DOK6: variants seen among roughly 807,000 people sequenced by gnomAD.
DOK6 encodes downstream of tyrosine kinase 6.
DOK6 carries 22 observed loss-of-function variants against 44.0 expected under a neutral mutation model. That is an observed-to-expected ratio of 0.50 (90% CI 0.36 to 0.71). The LOEUF is 0.71. DOK6 is among the 30% of genes least tolerant of loss of function. The pLI is 0.00. For synonymous variants in DOK6, 166 were observed against 145.5 expected, an observed-to-expected ratio of 1.14 and a Z score of -1.01; for missense variants, 340 against 416.4, an observed-to-expected ratio of 0.82 and a Z score of 1.60.
At chr18:69,774,093 GAT>G (rs1391058977) in intron 7 of DOK6, among the ~76,000 whole-genome samples, 2 of 108,764 alleles carry the variant, frequency 1.8e-5, no homozygotes, top group South Asian at 3.1e-4. Flanking sequence ...GATTTATATA[GAT>G]ATATATATGA....
rs879769142 is a variant in DOK6 at position 69,848,889 on chromosome 18, C to A, written c.*7506C>A. Reference sequence around the variant, plus strand: ...ACAACTAAATTGATGGTTTTACCCACAAGTTATTTCATAAAGCTAACACTG... The same window carrying A: ...ACAACTAAATTGATGGTTTTACCCAAAAGTTATTTCATAAAGCTAACACTG... On this transcript the variant is annotated 3_prime_UTR_variant, in exon 8 of 8. Transcript: ENST00000382713. The A allele has an allele frequency of 6.6e-6, 1 of 152,166 alleles. No homozygotes were observed. The highest frequency in any genetic ancestry group is 2.4e-5 in the African/African-American group (1 of 41,450). 9.4% of individuals were successfully genotyped at this position (152,166 alleles called of 1,614,324 possible).
intron 1 of DOK6, among the ~76,000 whole-genome samples, chr18:69,500,192 A>G (rs1182117404): frequency 2.6e-5 from 4 of 152,074 alleles, no homozygotes; most frequent in East Asian, 1.9e-4. Flanking sequence ...TTTTCCACCA[A>G]CATACATACT....
At chr18:69,603,149 G>A (rs1983912832) in intron 3 of DOK6, among the ~76,000 whole-genome samples, 1 of 152,056 alleles carries the variant, frequency 6.6e-6, no homozygotes, top group Non-Finnish European at 1.5e-5. Flanking sequence ...CTCCCTTCAG[G>A]GTCATTTTAG....
intron 1 of DOK6, among the ~76,000 whole-genome samples, chr18:69,500,683 A>T (rs1330388875): frequency 6.6e-6 from 1 of 152,192 alleles, no homozygotes; most frequent in Non-Finnish European, 1.5e-5. Flanking sequence ...CAATATAAGT[A>T]ACAACTAGTG....
At chr18:69,624,748 TC>T (rs1984518271) in intron 3 of DOK6, among the ~76,000 whole-genome samples, 1 of 152,146 alleles carries the variant, frequency 6.6e-6, no homozygotes, top group Non-Finnish European at 1.5e-5. Flanking sequence ...TTATAATGAA[TC>T]CTGGCTTTGC....
chr18:69,787,282 G>A (rs1329195754), intron 7 of DOK6, among the ~76,000 whole-genome samples: 1 of 152,084 alleles, frequency 6.6e-6, no homozygotes, highest in Non-Finnish European at 1.5e-5. Context: ...TTTATAACTA[G>A]CATCAAGATC....
intron 4 of DOK6, among the ~76,000 whole-genome samples, chr18:69,694,814 G>T (rs1405062620): frequency 6.6e-6 from 1 of 152,120 alleles, no homozygotes; most frequent in Non-Finnish European, 1.5e-5. Context: ...TTGGGAATGG[G>T]TTTAGTTTTC....
At chr18:69,639,800 T>C (rs1041902219) in intron 3 of DOK6, among the ~76,000 whole-genome samples, 2 of 152,184 alleles carry the variant, frequency 1.3e-5, no homozygotes, top group Admixed American at 6.5e-5. Flanking sequence ...AGACATAGCA[T>C]TACTAATTGG....
chr18:69,518,520 T>C (rs1981595293), intron 1 of DOK6, among the ~76,000 whole-genome samples: 1 of 152,316 alleles, frequency 6.6e-6, no homozygotes, highest in Admixed American at 6.5e-5. Context: ...TATTATTTAA[T>C]AACCAAAAAT....
intron 3 of DOK6, among the ~76,000 whole-genome samples, chr18:69,614,521 G>A (rs1187565779): frequency 2.0e-5 from 3 of 148,030 alleles, no homozygotes; most frequent in East Asian, 2.0e-4. Context: ...GTCACTTCAC[G>A]TAATTATCAC....
At chr18:69,525,231 C>T (rs961280661) in intron 1 of DOK6, among the ~76,000 whole-genome samples, 4 of 151,684 alleles carry the variant, frequency 2.6e-5, no homozygotes, top group Non-Finnish European at 5.9e-5. Context: ...AAAATGCAAC[C>T]TTGATTGTTA....
intron 3 of DOK6, among the ~76,000 whole-genome samples, chr18:69,637,748 A>G (rs1984842099): frequency 6.6e-6 from 1 of 151,776 alleles, no homozygotes; most frequent in African/African-American, 2.4e-5. Flanking sequence ...TTTTTTTTAA[A>G]CCAGCAAAGG....
rs55654660 is a variant in DOK6, at chr18:69,603,770, C to CAA, written c.289+4297_289+4298dup. On this transcript the variant is annotated intron_variant, in intron 3 of 7. Coordinates refer to ENST00000382713, the MANE Select transcript of DOK6 (RefSeq NM_152721.6). Reference sequence around the variant, plus strand: ...TGGGCGACAGAGCGAGACTCCGTCTCAAAAAAAAAAAAAAAAAAAAAAAAA... The same window carrying CAA: ...TGGGCGACAGAGCGAGACTCCGTCTCAAAAAAAAAAAAAAAAAAAAAAAAAAA... Among the ~76,000 whole-genome samples the CAA allele has an allele frequency of 5.9e-3, 436 of 74,352 alleles. 11 individuals are homozygous for CAA. The highest frequency in any genetic ancestry group is 7.6e-3 in the Non-Finnish European group (315 of 41,576). The allele number at this position is 74,352 out of a possible 152,430, so 48.8% of individuals were successfully genotyped here.
chr18:69,818,790 G>T (rs1288414577), intron 7 of DOK6, among the ~76,000 whole-genome samples: 1 of 152,174 alleles, frequency 6.6e-6, no homozygotes. Flanking sequence ...GAGCCACGTA[G>T]AGATGATAAA....
chr18:69,669,530 T>G (rs1985743174), intron 3 of DOK6, among the ~76,000 whole-genome samples: 1 of 152,186 alleles, frequency 6.6e-6, no homozygotes, highest in Non-Finnish European at 1.5e-5. Flanking sequence ...ATCACATGCT[T>G]GGCCTTTTAT....
intron 1 of DOK6, among the ~76,000 whole-genome samples, chr18:69,490,501 A>G (rs1232786704): frequency 6.6e-6 from 1 of 152,210 alleles, no homozygotes; most frequent in Non-Finnish European, 1.5e-5. Flanking sequence ...GTAAAATGGC[A>G]TGCCTTTTAG....
intron 1 of DOK6, among the ~76,000 whole-genome samples, chr18:69,504,899 G>A (rs1386752179): frequency 6.6e-6 from 1 of 152,138 alleles, no homozygotes; most frequent in Admixed American, 6.5e-5. Context: ...TTAAAGATGA[G>A]ATTGTCTGTG....
intron 1 of DOK6, among the ~76,000 whole-genome samples, chr18:69,554,637 G>T (rs935551374): frequency 8.5e-5 from 13 of 152,098 alleles, no homozygotes; most frequent in Non-Finnish European, 1.5e-4. Flanking sequence ...AGATATTTCT[G>T]TTGAGTACAT....
chr18:69,833,285 A>G (rs1160823629), intron 7 of DOK6, among the ~76,000 whole-genome samples: 3 of 152,208 alleles, frequency 2.0e-5, no homozygotes, highest in Admixed American at 2.0e-4. Context: ...CATTTTTAAC[A>G]AAGATGCTGA....
Sources: allele counts gnomAD v4.1 joint callset (sites outside exome capture counted in the v4.1 genomes callset), GRCh38; gene constraint gnomAD v4.1.1; transcripts MANE v1.5; gene names NCBI Gene and HGNC (gene_info 2026-07-23, HGNC 2026-07-21).